Variants in TMEM175 observed in about 807,000 individuals in gnomAD.
TMEM175 encodes the protein transmembrane protein 175.
TMEM175 carries 36 observed loss-of-function variants against 36.5 expected under a neutral mutation model. The observed-to-expected ratio is 0.99, with a 90% CI of 0.76 to 1.30. TMEM175 has a LOEUF of 1.30. TMEM175 is among the 50% of genes most tolerant of loss of function. The pLI, the probability that TMEM175 is intolerant of heterozygous loss-of-function variation, is 0.00. For missense variants in TMEM175, 705 were observed against 692.8 expected, an observed-to-expected ratio of 1.02 and a Z score of -0.20; for synonymous variants, 339 against 313.4, an observed-to-expected ratio of 1.08 and a Z score of -0.86.
Position 956,990 on chromosome 4 carries a change from A to T in TMEM175, c.843-834A>T, listed in dbSNP as rs1729744628. 1.9e-5 allele frequency: 3 copies of T among 158,206 alleles called. No individual in the cohort carries two copies. The Admixed American group carries it at 1.9e-4, about 10-fold the overall frequency. 9.8% of individuals were successfully genotyped at this position (158,206 alleles called of 1,614,324 possible). ...CAGGTGCCAGGGATGCTCCAGGGTG[A>T]GCTGCCTGATTGTGCAGGCCAGCTG... is the stretch of plus-strand genomic sequence containing the variant. On this transcript the variant is annotated intron_variant, in intron 10 of 10. Transcript: ENST00000264771.
At chr4:949,178 T>C (rs1728559007) in intron 3 of TMEM175, among the ~76,000 whole-genome samples, 1 of 152,038 alleles carries the variant, frequency 6.6e-6, no homozygotes, top group South Asian at 2.1e-4. Flanking sequence ...GTCGCTGAGG[T>C]ACGGCCACAT....
rs1728923258 is a variant in TMEM175, at chr4:951,799, G to A, written c.378+82G>A. On this transcript the variant is annotated intron_variant, in intron 6 of 10. Coordinates refer to ENST00000264771, the MANE Select transcript of TMEM175 (RefSeq NM_032326.4). ...ACCTGTCCTCAAAAGCAGACCAGCT[G>A]GATGGCCCAGGGCCCAGGCCACACG... is the stretch of plus-strand genomic sequence containing the variant. The A allele has an allele frequency of 2.8e-6, 4 of 1,443,554 alleles. No individual in the cohort carries two copies. The East Asian group carries it at 6.8e-5, about 25-fold the overall frequency. The allele number at this position is 1,443,554 out of a possible 1,614,324, so 89.4% of individuals were successfully genotyped here.
chr4:953,579 C>T lies in TMEM175; in HGVS notation c.627+225C>T, dbSNP rs147550877. Among the ~76,000 whole-genome samples the T allele has an allele frequency of 1.5e-3, 227 of 152,352 alleles. 2 individuals carry two copies. In the Middle Eastern group the frequency reaches 0.017, roughly 11 times the overall value. ...CCAGCCTGTCGAGGACAGAGACGGA[C>T]GCTCATCGAAGGAAGGGGCAGCTGA... is the stretch of plus-strand genomic sequence containing the variant. On this transcript the variant is annotated intron_variant, in intron 8 of 10. Transcript: ENST00000264771.
rs887701985 is a variant in TMEM175 at position 932,864 on chromosome 4, C to T, written c.-32+324C>T. 2.0e-5 allele frequency among the ~76,000 whole-genome samples: 3 copies of T among 152,228 alleles called. No individual in the cohort carries two copies. Among genetic ancestry groups the T allele is most frequent in the African/African-American group, 7.2e-5 (3 of 41,460 alleles). On this transcript the variant is annotated intron_variant, in intron 1 of 10. Transcript: ENST00000264771. The surrounding 1 kb of genome is among the most constrained non-coding windows in gnomAD (Gnocchi z 4.0). Reference sequence around the variant, plus strand: ...AGGCAGGCAGTTTGCAGGGGAAACGCTGCTGCATTGCTCTGTCTTCCGAGG... The same window carrying T: ...AGGCAGGCAGTTTGCAGGGGAAACGTTGCTGCATTGCTCTGTCTTCCGAGG...
chr4:947,643 C>A, intron 1 of TMEM175, 66 bp from the exon 2 acceptor site: 2 of 1,349,160 alleles, frequency 1.5e-6, no homozygotes, highest in South Asian at 1.4e-5. Flanking sequence ...TGCACCAGGG[C>A]TGAGGCTGCA....
chr4:951,986 C>G (rs866023383), intron 6 of TMEM175: 1 of 591,130 alleles, frequency 1.7e-6, no homozygotes, highest in South Asian at 2.0e-5. Context: ...CCATCCCAGG[C>G]CTGTCCCTGG....
At chr4:950,300 C>G in intron 3 of TMEM175, 121 bp from the exon 4 acceptor site, 1 of 769,058 alleles carries the variant, frequency 1.3e-6, no homozygotes, top group Admixed American at 2.1e-5. Flanking sequence ...CTCACAGGAC[C>G]CACCCGAGGG....
At chr4:957,354 G>A (rs998611895) in intron 10 of TMEM175, among the ~76,000 whole-genome samples, 1 of 152,232 alleles carries the variant, frequency 6.6e-6, no homozygotes, top group Non-Finnish European at 1.5e-5. Context: ...TGTGGAGGGA[G>A]TTGGCCTCCT....
chr4:946,830 G>A (rs1314742736), intron 1 of TMEM175, among the ~76,000 whole-genome samples: 1 of 152,070 alleles, frequency 6.6e-6, no homozygotes, highest in Non-Finnish European at 1.5e-5. Context: ...GGAGAGCGCG[G>A]CCCCTGTAGG....
rs1366196626 is a variant in TMEM175, at chr4:952,351, G to T, written c.379-16G>T. ...CTAGGATTTGGGGGGGTTTGGTTTT[G>T]TTTTTGTTTTAACAGTTTTCGTTAA... On this transcript the variant is annotated splice_polypyrimidine_tract_variant and intron_variant, in intron 6 of 10. Transcript: ENST00000264771. 1 of 1,610,022 alleles carries T rather than the reference G, an allele frequency of 6.2e-7. No homozygotes were observed.
chr4:953,429 C>A, intron 8 of TMEM175, 75 bp downstream of exon 8: 1 of 1,495,752 alleles, frequency 6.7e-7, no homozygotes, highest in Non-Finnish European at 9.0e-7. Context: ...CGCTGAGCAA[C>A]AAACACGGGG....
intron 1 of TMEM175, among the ~76,000 whole-genome samples, chr4:942,254 A>T (rs957616281): frequency 6.6e-6 from 1 of 151,900 alleles, no homozygotes. Flanking sequence ...TTTAGTAGAG[A>T]CGAGGTTTCA....
Position 953,372 on chromosome 4 carries a change from C to A in TMEM175, c.627+18C>A. 6 of 1,587,484 alleles carry A rather than the reference C, an allele frequency of 3.8e-6. No individual in the cohort carries two copies. In the South Asian group the frequency reaches 5.7e-5, roughly 15 times the overall value. Reference sequence around the variant, plus strand: ...TCCCCTTGGTGAGTGCTGGGACAGCCCGTGGGGCCCAGGCAGGAACGGGGG... The same window carrying A: ...TCCCCTTGGTGAGTGCTGGGACAGCACGTGGGGCCCAGGCAGGAACGGGGG... On this transcript the variant is annotated intron_variant, in intron 8 of 10. Coordinates refer to ENST00000264771, the MANE Select transcript of TMEM175 (RefSeq NM_032326.4).
intron 1 of TMEM175, among the ~76,000 whole-genome samples, chr4:944,244 G>A (rs148551455): frequency 7.4e-4 from 113 of 152,344 alleles, no homozygotes; most frequent in African/African-American, 2.6e-3. Flanking sequence ...AGTGAGCTGC[G>A]ATCGTGCCAC....
intron 1 of TMEM175, among the ~76,000 whole-genome samples, chr4:945,848 C>A (rs886762148): frequency 6.6e-6 from 1 of 152,164 alleles, no homozygotes. Flanking sequence ...GTCCTGCCCC[C>A]GGCTGCTCCT....
At chr4:948,229 G>T (rs1416165041) in intron 3 of TMEM175, 75 bp downstream of exon 3, 1 of 1,613,142 alleles carries the variant, frequency 6.2e-7, no homozygotes, top group East Asian at 2.2e-5. Flanking sequence ...ACCTGGCACA[G>T]GGTGCTGACC....
intron 1 of TMEM175, among the ~76,000 whole-genome samples, chr4:941,520 C>T (rs1287231543): frequency 6.6e-6 from 1 of 150,774 alleles, no homozygotes; most frequent in African/African-American, 2.4e-5. Flanking sequence ...CTCACGGCAG[C>T]GTCTGCCTCC....
At chr4:954,481 G>A (rs556565907) in intron 8 of TMEM175, among the ~76,000 whole-genome samples, 25 of 151,532 alleles carry the variant, frequency 1.6e-4, no homozygotes, top group African/African-American at 3.4e-4. Flanking sequence ...TGTAGGTGTC[G>A]TGAGTGGCGC....
At chr4:942,342 G>T (rs1389396690) in intron 1 of TMEM175, among the ~76,000 whole-genome samples, 2 of 152,080 alleles carry the variant, frequency 1.3e-5, no homozygotes, top group African/African-American at 4.8e-5. Flanking sequence ...TGGGATTTTG[G>T]GCATGAGCCA....
Sources: gnomAD v4.1 joint callset for allele counts (sites outside exome capture counted in the v4.1 genomes callset) on GRCh38, gnomAD v4.1.1 for gene constraint, Gnocchi (gnomAD v3.1) non-coding constraint, MANE v1.5 for transcripts, NCBI Gene and HGNC (gene_info 2026-07-23, HGNC 2026-07-21) for gene names.